RORA: variants seen among roughly 807,000 people sequenced by gnomAD.
RORA encodes the protein RAR related orphan receptor A.
RORA carries 7 observed loss-of-function variants against 69.5 expected under a neutral mutation model. The observed-to-expected ratio is 0.10, with a 90% confidence interval of 0.06 to 0.19. The LOEUF is 0.19. Among genes scored for constraint, RORA ranks in the 10% least tolerant of loss-of-function variants. The pLI is 1.00. For missense variants in RORA, 457 were observed against 663.0 expected (o/e 0.69, Z 3.41); for synonymous variants, 261 against 240.8 (o/e 1.08, Z -0.78).
At chr15:60,900,887 T>TA (rs544907356) in intron 1 of RORA, among the ~76,000 whole-genome samples, 142 of 150,650 alleles carry the variant, frequency 9.4e-4, no homozygotes, top group African/African-American at 3.1e-3. Flanking sequence ...AAATAAAAAA[T>TA]AAAAAAAAAT....
intron 1 of RORA, among the ~76,000 whole-genome samples, chr15:60,826,760 T>TCC (rs1271141523): frequency 1.1e-5 from 1 of 95,114 alleles, no homozygotes; most frequent in East Asian, 4.3e-4. Context: ...TCTCTCTCTC[T>TCC]CTCTCCCTCT....
rs1381740116 is a variant in RORA, at chr15:60,488,466, C to T, written c.*8989G>A. On this transcript the variant is annotated 3_prime_UTR_variant, in exon 11 of 11. Coordinates refer to ENST00000335670, the MANE Select transcript of RORA (RefSeq NM_134261.3). ...ATTTAAAAGACAACATTAAATCTCT[C>T]TTTTTTGTACAGCTTGTATTTACAA... 1 of 151,866 alleles carries T rather than the reference C, an allele frequency of 6.6e-6. No homozygotes were observed. The highest frequency in any genetic ancestry group is 1.5e-5 in the Non-Finnish European group (1 of 67,956). The allele number at this position is 151,866 out of a possible 1,614,324, so 9.4% of individuals were successfully genotyped here. A position where few individuals can be genotyped will look rare whatever the true frequency, so the allele number is the denominator to read the frequency against.
At chr15:60,517,435 C>G (rs2066001906) in intron 3 of RORA, among the ~76,000 whole-genome samples, 1 of 147,444 alleles carries the variant, frequency 6.8e-6, no homozygotes, top group Non-Finnish European at 1.5e-5. Context: ...AGCAATCTCT[C>G]TCTTCTGAAA....
At chr15:61,009,306 T>G (rs954114397) in intron 1 of RORA, among the ~76,000 whole-genome samples, 2 of 152,174 alleles carry the variant, frequency 1.3e-5, no homozygotes, top group Admixed American at 1.3e-4. Flanking sequence ...AAATTTATTA[T>G]AGGAAGGATG....
At chr15:61,217,025 C>A (rs1466055414) in intron 1 of RORA, among the ~76,000 whole-genome samples, 2 of 152,140 alleles carry the variant, frequency 1.3e-5, no homozygotes, top group African/African-American at 2.4e-5. Flanking sequence ...AGAAGTCACA[C>A]AAACAAGTGC....
chr15:61,141,292 A>C (rs187412692), intron 1 of RORA, among the ~76,000 whole-genome samples: 4 of 152,334 alleles, frequency 2.6e-5, no homozygotes, highest in African/African-American at 7.2e-5. Context: ...TGATCAGTTA[A>C]GCTTGTAATC....
At chr15:60,837,280 T>G (rs2073130452) in intron 1 of RORA, among the ~76,000 whole-genome samples, 1 of 152,192 alleles carries the variant, frequency 6.6e-6, no homozygotes, top group Non-Finnish European at 1.5e-5. Flanking sequence ...CCTATGTTTG[T>G]GTCAATATAT....
At chr15:61,034,711 AG>A (rs1480283331) in intron 1 of RORA, among the ~76,000 whole-genome samples, 1 of 140,524 alleles carries the variant, frequency 7.1e-6, no homozygotes, top group Non-Finnish European at 1.5e-5. Context: ...GTCAAGTTCA[AG>A]GAAAAAAAAA....
intron 1 of RORA, among the ~76,000 whole-genome samples, chr15:60,741,399 C>G (rs2071573727): frequency 6.6e-6 from 1 of 152,158 alleles, no homozygotes; most frequent in Non-Finnish European, 1.5e-5. Flanking sequence ...ACTCAACAGG[C>G]CATGGGCTTC....
At chr15:61,159,533 T>C (rs894507309) in intron 1 of RORA, among the ~76,000 whole-genome samples, 1 of 152,228 alleles carries the variant, frequency 6.6e-6, no homozygotes, top group African/African-American at 2.4e-5. Context: ...ACCTGTGAGA[T>C]GCTGATCTTT....
rs1419012097 is a variant in RORA, at chr15:60,678,646, G to A, written c.196+11C>T. 6.2e-7 allele frequency: 1 copy of A among 1,605,052 alleles called. No individual in the cohort carries two copies. ...AGAAAACTTTGGACAGAAAAAAAAT[G>A]CATTACTTACATGTATGTGTCTTCT... is the stretch of plus-strand genomic sequence containing the variant. On this transcript the variant is annotated intron_variant, in intron 2 of 10. Transcript: ENST00000335670.
At position 61,147,764 on chromosome 15, in the gene RORA, C is replaced by CGTGT; in HGVS notation, c.166+81288_166+81289insACAC. ...GATGGTCAGTAGGCACGTGCGCACA[C>CGTGT]GCGTGTGTGTGTGTGTGTGTGTGTG... is the stretch of plus-strand genomic sequence containing the variant. On this transcript the variant is annotated intron_variant, in intron 1 of 10. Coordinates refer to ENST00000335670, the MANE Select transcript of RORA (RefSeq NM_134261.3). The surrounding 1 kb of genome is among the most constrained non-coding windows in gnomAD (Gnocchi z 4.1). 3.0e-5 allele frequency among the ~76,000 whole-genome samples: 1 copy of CGTGT among 33,648 alleles called. No homozygotes were observed. Among genetic ancestry groups the CGTGT allele is most frequent in the African/African-American group, 7.4e-5 (1 of 13,428 alleles). The allele number at this position is 33,648 out of a possible 152,430, so 22.1% of individuals were successfully genotyped here.
At chr15:61,098,320 C>T (rs2078827434) in intron 1 of RORA, among the ~76,000 whole-genome samples, 1 of 150,174 alleles carries the variant, frequency 6.7e-6, no homozygotes, top group African/African-American at 2.5e-5. Context: ...TCTCTGTCTC[C>T]CTCCTTCCTT....
intron 1 of RORA, among the ~76,000 whole-genome samples, chr15:60,748,187 T>C (rs2071674554): frequency 6.6e-6 from 1 of 152,206 alleles, no homozygotes; most frequent in Middle Eastern, 3.4e-3. Context: ...ATATTTTAAG[T>C]ATGGACATAA....
intron 1 of RORA, among the ~76,000 whole-genome samples, chr15:60,865,716 CTGGAAACAG>C (rs2073479850): frequency 6.6e-6 from 1 of 152,180 alleles, no homozygotes; most frequent in Non-Finnish European, 1.5e-5. Flanking sequence ...CCAACCCTTC[CTGGAAACAG>C]CCCCTTCCAG....
chr15:60,564,910 C>T (rs1316419743), intron 2 of RORA, among the ~76,000 whole-genome samples: 1 of 152,148 alleles, frequency 6.6e-6, no homozygotes, highest in East Asian at 1.9e-4. Context: ...TTTTGCTTCA[C>T]TTTGTGGGAC....
chr15:60,724,983 G>A (rs1424207034), intron 1 of RORA, among the ~76,000 whole-genome samples: 4 of 152,238 alleles, frequency 2.6e-5, no homozygotes, highest in South Asian at 2.1e-4. Context: ...TCTAGGTGAC[G>A]CTTCTAAAAT....
rs150671227 is a variant in RORA at position 60,853,050 on chromosome 15, C to T, written c.167-174364G>A. On this transcript the variant is annotated intron_variant, in intron 1 of 10. Coordinates refer to ENST00000335670, the MANE Select transcript of RORA (RefSeq NM_134261.3). ...ATGACCCCCAGCTTGGCATTGAGAG[C>T]ATTCCTTTATAACGAGAGCCAGCCA... 2.0e-3 allele frequency among the ~76,000 whole-genome samples: 310 copies of T among 152,288 alleles called. 3 individuals carry two copies. The highest frequency in any genetic ancestry group is 7.2e-3 in the African/African-American group (298 of 41,556).
At chr15:60,867,173 T>A (rs2073499067) in intron 1 of RORA, among the ~76,000 whole-genome samples, 1 of 152,228 alleles carries the variant, frequency 6.6e-6, no homozygotes, top group South Asian at 2.1e-4. Context: ...TTTGTATCTA[T>A]CTTTTAATAT....
Sources: gnomAD v4.1 joint callset for allele counts (sites outside exome capture counted in the v4.1 genomes callset) on GRCh38, gnomAD v4.1.1 for gene constraint, Gnocchi (gnomAD v3.1) non-coding constraint, MANE v1.5 for transcripts, NCBI Gene and HGNC (gene_info 2026-07-23, HGNC 2026-07-21) for gene names.